The following POGZ variants were observed in gnomAD, a reference collection of about 807,000 sequenced individuals.
The protein encoded by POGZ is pogo transposable element with ZNF domain.
POGZ carries 17 observed loss-of-function variants against 134.6 expected under a neutral mutation model. That is an observed-to-expected ratio of 0.13 (90% CI 0.09 to 0.19). The LOEUF is 0.19. Ranked by LOEUF, POGZ falls within the 10% of genes least tolerant of loss-of-function variation. The pLI is 1.00. For missense variants in POGZ, 1,306 were observed against 1,769.7 expected (o/e 0.74, Z 4.70); for synonymous variants, 693 against 657.1 (o/e 1.05, Z -0.84).
chr1:151,409,614 G>C (rs1489338055), intron 12 of POGZ, among the ~76,000 whole-genome samples: 1 of 152,160 alleles, frequency 6.6e-6, no homozygotes, highest in East Asian at 1.9e-4. Flanking sequence ...TGGGATTACA[G>C]GCGTGCATCA....
chr1:151,441,108 G>A (rs750213094), intron 2 of POGZ, 22 bp from the exon 3 acceptor site: 1 of 1,605,390 alleles, frequency 6.2e-7, no homozygotes, highest in Non-Finnish European at 8.5e-7. Flanking sequence ...GGGAGGCATA[G>A]TCACTTGGAG....
chr1:151,408,332 C>T (rs1464760127), intron 14 of POGZ, 77 bp downstream of exon 14: 6 of 1,562,942 alleles, frequency 3.8e-6, no homozygotes, highest in Non-Finnish European at 5.2e-6. Flanking sequence ...TAAAAAGCTA[C>T]CAGATTGCAC....
At chr1:151,446,364 G>A (rs781526098) in intron 1 of POGZ, among the ~76,000 whole-genome samples, 2 of 151,214 alleles carry the variant, frequency 1.3e-5, no homozygotes, top group Non-Finnish European at 2.9e-5. Flanking sequence ...TAATCCTTAA[G>A]GGGCATTTTA....
At chr1:151,458,770 G>T (rs1487661704) in intron 1 of POGZ, among the ~76,000 whole-genome samples, 1 of 145,224 alleles carries the variant, frequency 6.9e-6, no homozygotes, top group Non-Finnish European at 1.5e-5. Flanking sequence ...CCGAGCGTGC[G>T]TGTGGACGTC....
intron 10 of POGZ, among the ~76,000 whole-genome samples, chr1:151,418,142 G>A (rs921895356): frequency 1.3e-5 from 2 of 152,174 alleles, no homozygotes; most frequent in African/African-American, 2.4e-5. Flanking sequence ...CTTTAACCCA[G>A]GAGGTGGAGG....
At chr1:151,458,006 C>T (rs1182333827) in intron 1 of POGZ, among the ~76,000 whole-genome samples, 1 of 151,550 alleles carries the variant, frequency 6.6e-6, no homozygotes, top group African/African-American at 2.4e-5. Flanking sequence ...CTTGGAAGGA[C>T]GGGCTACACC....
chr1:151,404,636 C>A lies in POGZ; in HGVS notation c.*166G>T. On this transcript the variant is annotated 3_prime_UTR_variant, in exon 19 of 19. Coordinates refer to ENST00000271715, the MANE Select transcript of POGZ (RefSeq NM_015100.4). Reference sequence around the variant, plus strand: ...TTACTATTGGTTTTCCTAATTAATCCACAAATCCACAGGGAAGTGTAAGTC... The same window carrying A: ...TTACTATTGGTTTTCCTAATTAATCAACAAATCCACAGGGAAGTGTAAGTC... 7.3e-7 allele frequency: 1 copy of A among 1,368,538 alleles called. No homozygotes were observed. The highest frequency in any genetic ancestry group is 9.4e-7 in the Non-Finnish European group (1 of 1,065,316). 84.8% of individuals were successfully genotyped at this position (1,368,538 alleles called of 1,614,324 possible).
intron 10 of POGZ, among the ~76,000 whole-genome samples, chr1:151,416,210 C>CAAAAAAAAAAAAAAAA (rs1212371839): frequency 3.0e-4 from 13 of 42,758 alleles, no homozygotes; most frequent in Admixed American, 8.4e-4. Flanking sequence ...AACTCCATCT[C>CAAAAAAAAAAAAAAAA]AAAAAAAAAA....
Position 151,408,233 on chromosome 1 carries a change from T to A in POGZ, c.2242A>T (p.Met748Leu). The A allele has an allele frequency of 6.2e-7, 1 of 1,610,062 alleles. No individual in the cohort carries two copies. Among genetic ancestry groups the A allele is most frequent in the Middle Eastern group, 1.7e-4 (1 of 6,032 alleles). ...CACTCCAGGCATGTCTGCCGGCCCA[T>A]GACACTCCTGTGGGGGAAAAAAAAA... Reference protein sequence around the residue: ...QKRAVRKMSVMGRQTCLECSF... With the variant: ...QKRAVRKMSVLGRQTCLECSF... The change falls in exon 15 of 19, where the codon ATG becomes TTG. Residue 748 changes from methionine to leucine, a missense_variant. Transcript: ENST00000271715.
intron 1 of POGZ, chr1:151,455,012 G>C (rs1407450992): frequency 6.6e-6 from 1 of 151,912 alleles, no homozygotes; most frequent in East Asian, 1.9e-4. Flanking sequence ...GAAGCTGAAG[G>C]AGGAGAATCG....
At chr1:151,435,763 G>A (rs1270747149) in intron 3 of POGZ, among the ~76,000 whole-genome samples, 1 of 151,832 alleles carries the variant, frequency 6.6e-6, no homozygotes, top group South Asian at 2.1e-4. Context: ...CCAAAGTGCT[G>A]GGATTACAGG....
intron 11 of POGZ, 146 bp from the exon 12 acceptor site, chr1:151,411,917 T>A: frequency 1.6e-6 from 1 of 636,606 alleles, no homozygotes; most frequent in Non-Finnish European, 2.6e-6. Flanking sequence ...CCTGACTTTG[T>A]AATGCTGGGC....
At chr1:151,456,011 G>A (rs1662729013) in intron 1 of POGZ, among the ~76,000 whole-genome samples, 1 of 151,196 alleles carries the variant, frequency 6.6e-6, no homozygotes, top group South Asian at 2.1e-4. Flanking sequence ...CCAAAGTGCT[G>A]GGATTACAGG....
chr1:151,430,717 A>T lies in POGZ; in HGVS notation c.408T>A (p.Asn136Lys). 1 of 1,610,138 alleles carries T rather than the reference A, an allele frequency of 6.2e-7. No homozygotes were observed. Among genetic ancestry groups the T allele is most frequent in the Non-Finnish European group, 8.5e-7 (1 of 1,178,318 alleles). ...LRPVQVMQNA[N>K]HVTSSPVASQ... ...AGGCCACAGGGGAACTAGTCACATG[A>T]TTGGCATTCTGCATGACCTGAACAG... The change falls in exon 4 of 19, where the codon AAT becomes AAA. Residue 136 changes from asparagine to lysine, a missense_variant. Transcript: ENST00000271715.
chr1:151,435,597 A>G (rs1659444909), intron 3 of POGZ, among the ~76,000 whole-genome samples: 1 of 151,660 alleles, frequency 6.6e-6, no homozygotes, highest in African/African-American at 2.4e-5. Flanking sequence ...GGTTCAAGCG[A>G]TTCTCCTGCC....
chr1:151,452,276 T>A (rs773618916), intron 1 of POGZ, among the ~76,000 whole-genome samples: 11 of 151,834 alleles, frequency 7.2e-5, no homozygotes, highest in Non-Finnish European at 1.3e-4. Context: ...AATGTATTTA[T>A]TCCTAGGAAA....
chr1:151,407,037 T>C lies in POGZ; in HGVS notation c.2433-14A>G, dbSNP rs757936077. 30 of 1,596,240 alleles carry C rather than the reference T, an allele frequency of 1.9e-5. No homozygotes were observed. The South Asian group carries it at 2.4e-4, about 13-fold the overall frequency. On this transcript the variant is annotated splice_polypyrimidine_tract_variant and intron_variant, in intron 16 of 18. Transcript: ENST00000271715. Reference sequence around the variant, plus strand: ...AGCTTGATTCCACTAAAAAAGAGAATTGAGACTATGTAAGACAAACACAGC... The same window carrying C: ...AGCTTGATTCCACTAAAAAAGAGAACTGAGACTATGTAAGACAAACACAGC...
intron 10 of POGZ, among the ~76,000 whole-genome samples, chr1:151,418,199 T>C (rs1557890742): frequency 6.6e-6 from 1 of 150,430 alleles, no homozygotes; most frequent in Non-Finnish European, 1.5e-5. Context: ...CTGAGCGACA[T>C]AGCAAGACTC....
intron 9 of POGZ, 40 bp downstream of exon 9, chr1:151,423,907 TTC>T: frequency 6.9e-7 from 1 of 1,451,226 alleles, no homozygotes; most frequent in Non-Finnish European, 9.5e-7. Context: ...AATGTAAGTC[TTC>T]TCTTGTTCAA....
Sources: gnomAD v4.1 joint callset for allele counts (sites outside exome capture counted in the v4.1 genomes callset) on GRCh38, gnomAD v4.1.1 for gene constraint, MANE v1.5 for transcripts, NCBI Gene and HGNC (gene_info 2026-07-23, HGNC 2026-07-21) for gene names.